Variants in MMP26 observed in about 807,000 individuals in gnomAD.
The protein encoded by MMP26 is matrix metallopeptidase 26.
Under a neutral mutation model 31.0 loss-of-function variants are expected in MMP26, and 33 were observed. That is an observed-to-expected ratio of 1.06 (90% CI 0.81 to 1.42). MMP26 has a LOEUF of 1.42. MMP26 is among the 40% of genes most tolerant of loss of function. The probability of loss-of-function intolerance (pLI) is 0.00; values close to 1 mark genes in which losing one functional copy is unlikely to be tolerated. For synonymous variants in MMP26, 122 were observed against 114.9 expected (o/e 1.06, Z -0.40); for missense variants, 347 against 316.1 (o/e 1.10, Z -0.74).
At chr11:4,991,748 A>G (rs1276034808) in intron 6 of MMP26, among the ~76,000 whole-genome samples, 1 of 151,404 alleles carries the variant, frequency 6.6e-6, no homozygotes, top group African/African-American at 2.4e-5. Context: ...CTTTCTTTCC[A>G]TGTGTCTTTT....
chr11:4,850,886 CAT>C (rs769132414), intron 2 of MMP26, among the ~76,000 whole-genome samples: 5 of 147,826 alleles, frequency 3.4e-5, no homozygotes, highest in Admixed American at 1.4e-4. Flanking sequence ...ATTCCAAATA[CAT>C]ATGTTATAAA....
intron 2 of MMP26, chr11:4,937,271 T>C (rs1846134689): frequency 6.6e-6 from 1 of 152,190 alleles, no homozygotes; most frequent in African/African-American, 2.4e-5. Flanking sequence ...ACCACTCTAG[T>C]AAAGTATACT....
rs985728771 is a variant in MMP26, at chr11:4,883,063, T to C, written c.-144-105005T>C. On this transcript the variant is annotated intron_variant, in intron 2 of 7. Transcript: ENST00000380390. ...TATTTTTAATTTTTAATACCATAATTTAAACCAAATTAATTGAGCATATGT... is the reference window on the plus strand; with the variant it reads ...TATTTTTAATTTTTAATACCATAATCTAAACCAAATTAATTGAGCATATGT... Among the ~76,000 whole-genome samples the C allele has an allele frequency of 5.3e-5, 8 of 152,136 alleles. 1 individual carries two copies. Among genetic ancestry groups the C allele is most frequent in the African/African-American group, 1.9e-4 (8 of 41,432 alleles).
rs1298816551 is a variant in MMP26, at chr11:4,861,430, A to T, written c.-145+94089A>T. Among the ~76,000 whole-genome samples the T allele has an allele frequency of 4.0e-5, 6 of 151,218 alleles. No individual in the cohort carries two copies. In the South Asian group the frequency reaches 1.3e-3, roughly 32 times the overall value. On this transcript the variant is annotated intron_variant, in intron 2 of 7. Coordinates refer to ENST00000380390, the MANE Select transcript of MMP26 (RefSeq NM_021801.5). ...ATTAGGTTGGTGCAAAAGTAATTGCAGTTTTTGCCTTTTTAAAATCTAATA... is the reference window on the plus strand; with the variant it reads ...ATTAGGTTGGTGCAAAAGTAATTGCTGTTTTTGCCTTTTTAAAATCTAATA...
chr11:4,897,847 A>C (rs954561365), intron 2 of MMP26, among the ~76,000 whole-genome samples: 1 of 151,180 alleles, frequency 6.6e-6, no homozygotes, highest in Non-Finnish European at 1.5e-5. Flanking sequence ...CCTGTGTTGC[A>C]AACCTCTCTA....
At chr11:4,806,352 A>T (rs1049946102) in intron 2 of MMP26, among the ~76,000 whole-genome samples, 1 of 151,548 alleles carries the variant, frequency 6.6e-6, no homozygotes, top group African/African-American at 2.4e-5. Context: ...ATTGTGTGGG[A>T]GTCTAAGTCT....
At chr11:4,879,010 T>A (rs895796762) in intron 2 of MMP26, among the ~76,000 whole-genome samples, 1 of 151,882 alleles carries the variant, frequency 6.6e-6, no homozygotes, top group South Asian at 2.1e-4. Flanking sequence ...CCGAGGCGGG[T>A]GGATCATGTG....
At chr11:4,933,539 G>GTTTGTT in intron 2 of MMP26, among the ~76,000 whole-genome samples, 1 of 123,382 alleles carries the variant, frequency 8.1e-6, no homozygotes, top group East Asian at 2.3e-4. Flanking sequence ...TTTTTTTTTT[G>GTTTGTT]TTTGTTTTTG....
chr11:4,811,510 T>C (rs1446282284), intron 2 of MMP26, among the ~76,000 whole-genome samples: 1 of 152,202 alleles, frequency 6.6e-6, no homozygotes, highest in African/African-American at 2.4e-5. Context: ...GGCCTCTCAT[T>C]CCATCCATGT....
chr11:4,723,625 G>T, intron 1 of MMP26: 1 of 886,944 alleles, frequency 1.1e-6, no homozygotes, highest in Non-Finnish European at 1.9e-6. Context: ...CTCCAGCTCT[G>T]CACACTTATT....
At chr11:4,774,183 T>C (rs1243067395) in intron 2 of MMP26, among the ~76,000 whole-genome samples, 1 of 152,198 alleles carries the variant, frequency 6.6e-6, no homozygotes, top group East Asian at 1.9e-4. Flanking sequence ...TCAAATGGTA[T>C]TTCTGGTTGA....
At chr11:4,908,292 A>G (rs1038118373) in intron 2 of MMP26, 1 of 1,613,906 alleles carries the variant, frequency 6.2e-7, no homozygotes, top group African/African-American at 1.3e-5. Flanking sequence ...AAGTTGCTTA[A>G]TGTATGTGGG....
At chr11:4,827,283 A>G (rs910951146) in intron 2 of MMP26, among the ~76,000 whole-genome samples, 2 of 152,142 alleles carry the variant, frequency 1.3e-5, no homozygotes, top group Admixed American at 6.5e-5. Context: ...GGTATGAGCC[A>G]TTTCTTCTGC....
intron 2 of MMP26, among the ~76,000 whole-genome samples, chr11:4,987,457 C>T (rs1322971323): frequency 1.3e-5 from 2 of 150,574 alleles, no homozygotes; most frequent in Non-Finnish European, 3.0e-5. Flanking sequence ...CTCCCTCTGT[C>T]GCCCAGGCTG....
At chr11:4,761,722 T>A (rs960315439) in intron 1 of MMP26, among the ~76,000 whole-genome samples, 1 of 152,238 alleles carries the variant, frequency 6.6e-6, no homozygotes, top group African/African-American at 2.4e-5. Context: ...TTCTGCTATA[T>A]GTTTCTTGTA....
At chr11:4,872,496 TC>T in intron 2 of MMP26, among the ~76,000 whole-genome samples, 1 of 148,468 alleles carries the variant, frequency 6.7e-6, no homozygotes, top group East Asian at 2.0e-4. Flanking sequence ...ATTGTCCCCC[TC>T]CCCCACTCAC....
In MMP26 at chr11:4,787,983, A is replaced by C. The variant is rs558919593; in HGVS notation, c.-145+20642A>C. ...ATTGAATGATTAGTTTAAGATAAAA[A>C]ATCTGGAATTTATATCCACAGCTAT... On this transcript the variant is annotated intron_variant, in intron 2 of 7. Transcript: ENST00000380390. Among the ~76,000 whole-genome samples, 20 of 152,316 alleles carry C rather than the reference A, an allele frequency of 1.3e-4. No individual in the cohort carries two copies. The South Asian group carries it at 3.3e-3, about 25-fold the overall frequency.
chr11:4,942,031 G>A (rs1846214937), intron 2 of MMP26, among the ~76,000 whole-genome samples: 1 of 139,282 alleles, frequency 7.2e-6, no homozygotes, highest in African/African-American at 2.7e-5. Context: ...GTTGCAGTGA[G>A]TCAAGATCGT....
intron 2 of MMP26, among the ~76,000 whole-genome samples, chr11:4,884,339 C>T (rs780093322): frequency 9.9e-5 from 15 of 152,052 alleles, no homozygotes; most frequent in Non-Finnish European, 2.2e-4. Context: ...GTGCACTCAG[C>T]GGGAAGTCTT....
Sources: allele counts gnomAD v4.1 joint callset (sites outside exome capture counted in the v4.1 genomes callset), GRCh38; gene constraint gnomAD v4.1.1; transcripts MANE v1.5; gene names NCBI Gene and HGNC (gene_info 2026-07-23, HGNC 2026-07-21).